WBP2NL: variants seen among roughly 807,000 people sequenced by gnomAD.
The protein encoded by WBP2NL is WBP2 N-terminal like.
In WBP2NL, 27 loss-of-function variants were observed where a neutral mutation model predicts 23.3. The ratio of observed to expected loss-of-function variants is 1.16; its 90% confidence interval spans 0.85 to 1.60. The LOEUF (loss-of-function observed/expected upper bound fraction) is 1.60. Among genes scored for constraint, WBP2NL ranks in the 40% most tolerant of loss-of-function variants. The pLI is 0.00. For missense variants in WBP2NL, 370 were observed against 389.5 expected, an observed-to-expected ratio of 0.95 and a Z score of 0.42; for synonymous variants, 151 against 145.9, an observed-to-expected ratio of 1.03 and a Z score of -0.25.
downstream of WBP2NL, chr22:42,032,655 T>C (rs1020753698): frequency 4.9e-6 from 2 of 404,848 alleles, no homozygotes; most frequent in East Asian, 1.8e-4. Context: ...AGGTAGGAAG[T>C]GAAACGTATG....
intron 1 of WBP2NL, among the ~76,000 whole-genome samples, chr22:42,018,915 G>GAAA (rs149512857): frequency 7.1e-6 from 1 of 141,578 alleles, no homozygotes; most frequent in Non-Finnish European, 1.5e-5. Context: ...GCTTACTCTG[G>GAAA]AAAAAAAAAA....
At chr22:42,052,323 C>T (rs913908693) in intron 8 of WBP2NL, among the ~76,000 whole-genome samples, 5 of 152,038 alleles carry the variant, frequency 3.3e-5, no homozygotes, top group African/African-American at 9.7e-5. Flanking sequence ...GGCTCTGTCA[C>T]CCAGGCTGGA....
intron 1 of WBP2NL, 75 bp from the exon 2 acceptor site, chr22:42,019,234 AAT>A: frequency 1.4e-6 from 2 of 1,425,116 alleles, no homozygotes; most frequent in South Asian, 1.2e-5. Context: ...AAAAAAAAAA[AAT>A]TGCGTTAAGA....
chr22:42,046,904 C>G (rs1925608777), intron 8 of WBP2NL, among the ~76,000 whole-genome samples: 1 of 152,186 alleles, frequency 6.6e-6, no homozygotes, highest in Admixed American at 6.5e-5. Flanking sequence ...ATTGACCCCT[C>G]TTGAGATGAC....
At chr22:42,016,247 C>A (rs1923299652) in intron 1 of WBP2NL, among the ~76,000 whole-genome samples, 1 of 152,126 alleles carries the variant, frequency 6.6e-6, no homozygotes, top group South Asian at 2.1e-4. Context: ...TCCCAAAGTG[C>A]TGAGATTACA....
intron 8 of WBP2NL, among the ~76,000 whole-genome samples, chr22:42,048,741 G>T (rs1459517096): frequency 6.9e-6 from 1 of 145,722 alleles, no homozygotes; most frequent in African/African-American, 2.5e-5. Context: ...GGGCGACAGA[G>T]CGAGACTCGG....
intron 8 of WBP2NL, among the ~76,000 whole-genome samples, chr22:42,053,335 C>G (rs967256819): frequency 2.0e-5 from 3 of 152,136 alleles, no homozygotes; most frequent in Non-Finnish European, 2.9e-5. Flanking sequence ...AGGCATTTAC[C>G]TAAGAGTGAA....
Position 42,027,195 on chromosome 22 carries a change from A to G in WBP2NL, c.*14A>G. ...GTCCATTCTTAACCTTCTAAGATGTAAACCTTGAAGACTCACCAAGCAAAG... is the reference window on the plus strand; with the variant it reads ...GTCCATTCTTAACCTTCTAAGATGTGAACCTTGAAGACTCACCAAGCAAAG... On this transcript the variant is annotated 3_prime_UTR_variant, in exon 6 of 6. Transcript: ENST00000328823. The G allele has an allele frequency of 6.3e-7, 1 of 1,591,154 alleles. No homozygotes were observed. Among genetic ancestry groups the G allele is most frequent in the Non-Finnish European group, 8.5e-7 (1 of 1,169,760 alleles).
rs1447975848 is a variant in WBP2NL, at chr22:42,022,277, A to G, written c.435A>G (p.Leu145=). ...CCCGAGGATTTCCACTTAGAACCTTAAATGACTGGTTCAGCTCTATGGGAA... is the reference window on the plus strand; with the variant it reads ...CCCGAGGATTTCCACTTAGAACCTTGAATGACTGGTTCAGCTCTATGGGAA... ...AAARGFPLRT[L]NDWFSSMGIY... is the part of the protein sequence containing the mutation. Residue 145 remains leucine (L), a synonymous_variant, in exon 5 of 6, where the codon TTA becomes TTG. Transcript: ENST00000328823. 6.2e-7 allele frequency: 1 copy of G among 1,614,246 alleles called. No individual in the cohort carries two copies. The highest frequency in any genetic ancestry group is 1.1e-5 in the South Asian group (1 of 91,092).
chr22:42,011,828 A>G (rs564087507), intron 1 of WBP2NL, among the ~76,000 whole-genome samples: 2 of 151,726 alleles, frequency 1.3e-5, no homozygotes, highest in South Asian at 4.2e-4. Flanking sequence ...GCTGGAGTGC[A>G]GTCGTGCAAT....
Position 42,027,203 on chromosome 22 carries a change from A to G in WBP2NL, c.*22A>G. The G allele has an allele frequency of 6.3e-7, 1 of 1,575,264 alleles. No homozygotes were observed. Among genetic ancestry groups the G allele is most frequent in the Non-Finnish European group, 8.6e-7 (1 of 1,162,058 alleles). ...TTAACCTTCTAAGATGTAAACCTTG[A>G]AGACTCACCAAGCAAAGAGGTACCC... On this transcript the variant is annotated 3_prime_UTR_variant, in exon 6 of 6. Coordinates refer to ENST00000328823, the MANE Select transcript of WBP2NL (RefSeq NM_152613.3).
chr22:42,042,234 T>C (rs1238707846), intron 8 of WBP2NL, among the ~76,000 whole-genome samples: 2 of 152,224 alleles, frequency 1.3e-5, no homozygotes, highest in Non-Finnish European at 2.9e-5. Context: ...TAGTTACTTC[T>C]TCAAATACAC....
At chr22:42,050,660 C>CAA (rs71184860) in intron 8 of WBP2NL, among the ~76,000 whole-genome samples, 49 of 143,974 alleles carry the variant, frequency 3.4e-4, no homozygotes, top group East Asian at 8.1e-4. Flanking sequence ...CGTCCCCTCC[C>CAA]AAAAAAAAAA....
At chr22:42,020,868 GTATA>G (rs1335645142) in intron 4 of WBP2NL, among the ~76,000 whole-genome samples, 120 of 15,212 alleles carry the variant, frequency 7.9e-3, no homozygotes, top group Non-Finnish European at 0.01. Flanking sequence ...GTGTGTGTGT[GTATA>G]TATATATATA....
chr22:42,001,375 G>A, intron 1 of WBP2NL: 1 of 711,096 alleles, frequency 1.4e-6, no homozygotes, highest in Non-Finnish European at 2.5e-6. Context: ...TCCCTTTGCA[G>A]TGTCATAGTT....
chr22:42,023,901 C>G (rs1602463711), intron 5 of WBP2NL, among the ~76,000 whole-genome samples: 1 of 152,120 alleles, frequency 6.6e-6, no homozygotes, highest in African/African-American at 2.4e-5. Flanking sequence ...GCCTTGGCTT[C>G]CCAAAGTGCT....
At chr22:42,013,269 C>G (rs11705286) in intron 1 of WBP2NL, among the ~76,000 whole-genome samples, 69 of 151,554 alleles carry the variant, frequency 4.6e-4, no homozygotes, top group Non-Finnish European at 9.3e-4. Context: ...CTATATAATC[C>G]AAGCTACTCG....
intron 8 of WBP2NL, among the ~76,000 whole-genome samples, chr22:42,055,935 T>C (rs1466597390): frequency 1.3e-5 from 2 of 152,196 alleles, no homozygotes; most frequent in African/African-American, 4.8e-5. Context: ...GTCTAAAGTG[T>C]CTCTTAAACA....
At chr22:42,024,595 A>G (rs936777616) in intron 5 of WBP2NL, among the ~76,000 whole-genome samples, 2 of 152,060 alleles carry the variant, frequency 1.3e-5, no homozygotes, top group African/African-American at 4.8e-5. Context: ...ATGACTAATG[A>G]TGTTGAACAT....
Sources: gnomAD v4.1 joint callset for allele counts (sites outside exome capture counted in the v4.1 genomes callset) on GRCh38, gnomAD v4.1.1 for gene constraint, MANE v1.5 for transcripts, NCBI Gene and HGNC (gene_info 2026-07-23, HGNC 2026-07-21) for gene names.